Variants in TMC5 observed in about 807,000 individuals in gnomAD.
TMC5 encodes transmembrane channel-like protein 5.
TMC5 carries 86 observed loss-of-function variants against 110.5 expected under a neutral mutation model. The observed-to-expected ratio is 0.78, with a 90% confidence interval of 0.65 to 0.93. The LOEUF is 0.93. Ranked by LOEUF, TMC5 falls within the 40% of genes least tolerant of loss-of-function variation. The pLI is 0.00. For missense variants in TMC5, 1,144 were observed against 1,222.8 expected, an observed-to-expected ratio of 0.94 and a Z score of 0.96; for synonymous variants, 455 against 439.5, an observed-to-expected ratio of 1.04 and a Z score of -0.44.
chr16:19,449,313 CAAATG>C (rs942721810), intron 4 of TMC5, among the ~76,000 whole-genome samples: 6 of 152,106 alleles, frequency 3.9e-5, no homozygotes, highest in Admixed American at 1.3e-4. Flanking sequence ...ATGGCTTAGT[CAAATG>C]AAAAACCATT....
In TMC5 at chr16:19,481,398, CT is replaced by C. The variant is rs767772537; in HGVS notation, c.2298del (p.Gly767AlafsTer12). The C allele has an allele frequency of 3.7e-6, 6 of 1,614,000 alleles. No homozygotes were observed. In the South Asian group the frequency reaches 6.6e-5, roughly 18 times the overall value. ...RIIGMQLITSLGLQEFDIARN... is the reference protein window; with the variant it reads ...RIIGMQLITSXGLQEFDIARN... The stretch of plus-strand genomic sequence containing the variant: ...CATTGGGATGCAACTGATCACAAGT[CT>C]TGGCCTTCAGGAGTTTGACATTGCC... On this transcript the variant is annotated frameshift_variant, in exon 15 of 22. Coordinates refer to ENST00000542583, the MANE Select transcript of TMC5 (RefSeq NM_001261841.2). LOFTEE classifies it high-confidence loss of function.
In TMC5 at chr16:19,472,113, A is replaced by T; in HGVS notation, c.1808A>T (p.Glu603Val). ...IRENLSELRQ[E>V]NSKLTFNQLL... The stretch of plus-strand genomic sequence containing the variant: ...GAGAACCTGTCAGAGCTCCGTCAGG[A>T]GAATTCCAAGTTGACGTTCAATCAG... The change falls in exon 11 of 22, where the codon GAG becomes GTG. Residue 603 changes from glutamate to valine, a missense_variant. By Grantham distance (121) the Glu-to-Val change is moderately radical (BLOSUM62 -2). Transcript: ENST00000542583. 1 of 1,614,184 alleles carries T rather than the reference A, an allele frequency of 6.2e-7. No individual in the cohort carries two copies.
chr16:19,438,744 C>G (rs970465526), intron 2 of TMC5, among the ~76,000 whole-genome samples: 1 of 152,016 alleles, frequency 6.6e-6, no homozygotes, highest in African/African-American at 2.4e-5. Flanking sequence ...GAGACTCCAT[C>G]TCAAAAAAAG....
At chr16:19,437,213 C>T (rs1025377471) in intron 2 of TMC5, among the ~76,000 whole-genome samples, 16 of 152,232 alleles carry the variant, frequency 1.1e-4, no homozygotes, top group East Asian at 7.7e-4. Context: ...GCTCCAAGGC[C>T]GGCAGAAGGC....
At chr16:19,455,978 C>A (rs1967858779) in intron 5 of TMC5, among the ~76,000 whole-genome samples, 1 of 152,062 alleles carries the variant, frequency 6.6e-6, no homozygotes, top group South Asian at 2.1e-4. Flanking sequence ...GAGGCCGAGG[C>A]AGGAGGATCA....
chr16:19,493,429 G>C (rs558602730), intron 19 of TMC5, among the ~76,000 whole-genome samples: 3 of 146,500 alleles, frequency 2.0e-5, no homozygotes, highest in African/African-American at 7.5e-5. Context: ...GGGGGTACAT[G>C]TTGCATTTGG....
intron 2 of TMC5, among the ~76,000 whole-genome samples, chr16:19,434,093 CTA>C (rs1967260119): frequency 4.9e-5 from 1 of 20,202 alleles, no homozygotes; most frequent in African/African-American, 3.1e-4. Context: ...ATATATATAT[CTA>C]TAATATATAT....
At chr16:19,448,303 C>T (rs1036552688) in intron 4 of TMC5, among the ~76,000 whole-genome samples, 16 of 68,734 alleles carry the variant, frequency 2.3e-4, no homozygotes, top group Admixed American at 5.8e-4. Context: ...TACACACACA[C>T]GCACACACAC....
chr16:19,424,043 C>T (rs1260405454), intron 1 of TMC5, among the ~76,000 whole-genome samples: 2 of 152,120 alleles, frequency 1.3e-5, no homozygotes, highest in African/African-American at 2.4e-5. Flanking sequence ...TGTTAGCCAC[C>T]ACACCTGCCA....
chr16:19,440,139 G>T lies in TMC5; in HGVS notation c.101G>T (p.Gly34Val). 6.2e-7 allele frequency: 1 copy of T among 1,614,064 alleles called. No homozygotes were observed. Among genetic ancestry groups the T allele is most frequent in the Non-Finnish European group, 8.5e-7 (1 of 1,180,020 alleles). ...NRTQGYLKTQ[G>V]YPDVPGPLNN... ...ACGCAGGGGTATTTGAAAACTCAAGGTTATCCAGATGTTCCAGGTCCTCTG... is the reference window on the plus strand; with the variant it reads ...ACGCAGGGGTATTTGAAAACTCAAGTTTATCCAGATGTTCCAGGTCCTCTG... Residue 34 changes from glycine (G) to valine (V), a missense_variant, in exon 3 of 22, where the codon GGT becomes GTT. Transcript: ENST00000542583.
exon 1 of TMC5, chr16:19,410,986 A>C (rs1368507009): frequency 6.6e-6 from 1 of 152,296 alleles, no homozygotes; most frequent in African/African-American, 2.4e-5. Context: ...CAGGCGCCGG[A>C]ATTGGGGAGC....
Position 19,479,443 on chromosome 16 carries a change from C to T in TMC5, c.2182C>T (p.Leu728Phe). The T allele has an allele frequency of 1.9e-6, 3 of 1,613,932 alleles. No homozygotes were observed. Among genetic ancestry groups the T allele is most frequent in the Non-Finnish European group, 2.5e-6 (3 of 1,179,844 alleles). ...GTTTGCCTTCCAGTGTTGGGAAACC[C>T]TCATTGGCCAGGACATCTACCGGCT... Reference protein sequence around the residue: ...ALSGEECWETLIGQDIYRLLL... With the variant: ...ALSGEECWETFIGQDIYRLLL... Residue 728 changes from leucine (L) to phenylalanine (F), a missense_variant, in exon 14 of 22, where the codon CTC becomes TTC. Coordinates refer to ENST00000542583, the MANE Select transcript of TMC5 (RefSeq NM_001261841.2).
At chr16:19,464,165 T>G in intron 8 of TMC5, 141 bp downstream of exon 8, 1 of 1,066,922 alleles carries the variant, frequency 9.4e-7, no homozygotes, top group East Asian at 2.5e-5. Context: ...AATGTTTTCC[T>G]GGCTGAGTGT....
intron 20 of TMC5, among the ~76,000 whole-genome samples, chr16:19,494,799 T>C (rs1969008183): frequency 6.6e-6 from 1 of 151,652 alleles, no homozygotes; most frequent in Non-Finnish European, 1.5e-5. Context: ...AGAGTGGCAC[T>C]CTGTCTCAAA....
intron 4 of TMC5, among the ~76,000 whole-genome samples, chr16:19,447,311 A>G (rs1340893318): frequency 1.3e-5 from 2 of 152,036 alleles, no homozygotes; most frequent in Non-Finnish European, 2.9e-5. Context: ...GCAAGCAGAA[A>G]CACACGGTAT....
intron 6 of TMC5, chr16:19,462,581 T>C: frequency 1.4e-6 from 1 of 700,196 alleles, no homozygotes; most frequent in Non-Finnish European, 2.6e-6. Flanking sequence ...CAAGACGGCA[T>C]GTGCAGGGGA....
At chr16:19,424,125 G>T (rs1038102279) in intron 1 of TMC5, among the ~76,000 whole-genome samples, 5 of 152,134 alleles carry the variant, frequency 3.3e-5, no homozygotes, top group African/African-American at 1.2e-4. Flanking sequence ...AGGGCTCAGC[G>T]CCACAAGACT....
intron 5 of TMC5, among the ~76,000 whole-genome samples, chr16:19,455,230 TTG>T (rs1967838462): frequency 6.6e-6 from 1 of 151,792 alleles, no homozygotes; most frequent in African/African-American, 2.4e-5. Context: ...GGCGAATCAC[TTG>T]AGGTCAGGAG....
chr16:19,441,969 A>G (rs1967500362), intron 3 of TMC5, among the ~76,000 whole-genome samples: 1 of 151,988 alleles, frequency 6.6e-6, no homozygotes, highest in South Asian at 2.1e-4. Context: ...ACGCCCAGCT[A>G]ATTTTGTATC....
Sources: allele counts gnomAD v4.1 joint callset (sites outside exome capture counted in the v4.1 genomes callset), GRCh38; gene constraint gnomAD v4.1.1; transcripts MANE v1.5; gene names NCBI Gene and HGNC (gene_info 2026-07-23, HGNC 2026-07-21).